CD44: variants seen among roughly 807,000 people sequenced by gnomAD.
The protein encoded by CD44 is CD44 molecule (IN blood group), also known as CD44 antigen.
In CD44, 49 loss-of-function variants were observed where a neutral mutation model predicts 88.8. That is an observed-to-expected ratio of 0.55 (90% CI 0.44 to 0.70). CD44 has a LOEUF of 0.70. CD44 is among the 30% of genes least tolerant of loss of function. CD44 has a pLI of 0.00. For missense variants in CD44, 883 were observed against 913.8 expected (o/e 0.97, Z 0.43); for synonymous variants, 325 against 312.3 (o/e 1.04, Z -0.43).
rs1247958127 is a variant in CD44, at chr11:35,181,933, T to TA, written c.367+1529dup. ...TATATATTATATATTATATTATATA[T>TA]AAATTATATATAATATATATAAATT... is the stretch of plus-strand genomic sequence containing the variant. On this transcript the variant is annotated intron_variant, in intron 3 of 17. Coordinates refer to ENST00000428726, the MANE Select transcript of CD44 (RefSeq NM_000610.4). 5.4e-4 allele frequency among the ~76,000 whole-genome samples: 37 copies of TA among 69,010 alleles called. 2 individuals are homozygous for TA. Among genetic ancestry groups the TA allele is most frequent in the South Asian group, 1.6e-3 (5 of 3,150 alleles). The allele number at this position is 69,010 out of a possible 152,430, so 45.3% of individuals were successfully genotyped here. A position where few individuals can be genotyped will look rare whatever the true frequency, so the allele number is the denominator to read the frequency against.
intron 1 of CD44, among the ~76,000 whole-genome samples, chr11:35,171,838 T>C (rs1176015910): frequency 6.8e-6 from 1 of 148,090 alleles, no homozygotes; most frequent in Non-Finnish European, 1.5e-5. Flanking sequence ...AAAGATTAAG[T>C]AACAAAAAAA....
intron 1 of CD44, among the ~76,000 whole-genome samples, chr11:35,155,916 A>T (rs946782368): frequency 6.6e-6 from 1 of 152,182 alleles, no homozygotes; most frequent in Admixed American, 6.5e-5. Flanking sequence ...TCATATTAAC[A>T]TCGTGGTTGG....
chr11:35,229,083 G>C lies in CD44; in HGVS notation c.2025-46G>C, dbSNP rs778256499. ...CAGTAAGGATGATGATCTGATGCCT[G>C]AGTCACTGCAATCTTTCTGATATGG... On this transcript the variant is annotated intron_variant, in intron 17 of 17. Transcript: ENST00000428726. 11 of 1,459,468 alleles carry C rather than the reference G, an allele frequency of 7.5e-6. No homozygotes were observed. In the Admixed American group the frequency reaches 1.6e-4, roughly 21 times the overall value. The allele number at this position is 1,459,468 out of a possible 1,614,324, so 90.4% of individuals were successfully genotyped here. A position where few individuals can be genotyped will look rare whatever the true frequency, so the allele number is the denominator to read the frequency against.
At chr11:35,182,375 A>G (rs1945234208) in intron 3 of CD44, among the ~76,000 whole-genome samples, 1 of 152,124 alleles carries the variant, frequency 6.6e-6, no homozygotes, top group Non-Finnish European at 1.5e-5. Flanking sequence ...GCGTGAAGCC[A>G]GTAGATTTTG....
At chr11:35,207,374 G>T (rs1352233656) in intron 11 of CD44, among the ~76,000 whole-genome samples, 2 of 152,208 alleles carry the variant, frequency 1.3e-5, no homozygotes, top group Admixed American at 1.3e-4. Flanking sequence ...TATCGATGGG[G>T]TTTATGAATT....
intron 17 of CD44, 69 bp downstream of exon 17, chr11:35,221,801 C>T: frequency 7.4e-7 from 1 of 1,358,628 alleles, no homozygotes; most frequent in South Asian, 1.2e-5. Flanking sequence ...TATATCCTTG[C>T]TGCTCAGAGC....
Position 35,211,407 on chromosome 11 carries a change from A to T in CD44, c.1768A>T (p.Thr590Ser), listed in dbSNP as rs373762543. The change falls in exon 14 of 18, where the codon ACT (threonine) becomes TCT (serine). Residue 590 changes from threonine (T) to serine (S), a missense_variant. Thr to Ser is a moderately conservative substitution (Grantham distance 58, BLOSUM62 1). Coordinates refer to ENST00000428726, the MANE Select transcript of CD44 (RefSeq NM_000610.4). ...KTGSFGVTAV[T>S]VGDSNSNVNR... ...TGGGTCCTTTGGAGTTACTGCAGTT[A>T]CTGTTGGAGATTCCAACTCTAATGT... is the stretch of plus-strand genomic sequence containing the variant. The T allele has an allele frequency of 2.2e-5, 35 of 1,613,848 alleles. No homozygotes were observed. In the East Asian group the frequency reaches 4.5e-4, roughly 21 times the overall value.
At chr11:35,216,550 G>A (rs759585216) in intron 15 of CD44, among the ~76,000 whole-genome samples, 4 of 152,216 alleles carry the variant, frequency 2.6e-5, no homozygotes, top group Non-Finnish European at 5.9e-5. Context: ...AATAGAGACA[G>A]AAGTCACAGG....
At position 35,141,750 on chromosome 11, in the gene CD44, T is replaced by C. The variant is rs1168722213; in HGVS notation, c.67+2380T>C. Among the ~76,000 whole-genome samples, 7 of 152,316 alleles carry C rather than the reference T, an allele frequency of 4.6e-5. No individual in the cohort carries two copies. The East Asian group carries it at 1.3e-3, about 29-fold the overall frequency. ...ACAATGAAGTGCCAGTAGCAATAAC[T>C]GCCCCGGCCCTCGCTTTCATGTGCT... On this transcript the variant is annotated intron_variant, in intron 1 of 17. Transcript: ENST00000428726.
intron 15 of CD44, among the ~76,000 whole-genome samples, chr11:35,217,488 G>T (rs1948935379): frequency 6.6e-6 from 1 of 152,212 alleles, no homozygotes; most frequent in Admixed American, 6.5e-5. Context: ...AAGGACACTG[G>T]AAGGCATGTA....
chr11:35,145,251 C>T (rs1425803), intron 1 of CD44, among the ~76,000 whole-genome samples: 48,066 of 152,094 alleles, frequency 0.32, 7,787 homozygotes, highest in South Asian at 0.38. Flanking sequence ...GGCCCAGATC[C>T]CAGTAATATT....
intron 5 of CD44, among the ~76,000 whole-genome samples, chr11:35,195,859 C>A (rs146817019): frequency 1.6e-3 from 247 of 152,152 alleles, no homozygotes; most frequent in African/African-American, 5.5e-3. Context: ...TTCTGCTTTG[C>A]AAAATATAGT....
At chr11:35,168,028 T>G (rs1943492188) in intron 1 of CD44, among the ~76,000 whole-genome samples, 2 of 152,296 alleles carry the variant, frequency 1.3e-5, no homozygotes, top group South Asian at 4.1e-4. Context: ...CTTCAGAATC[T>G]CCTCTCTGGA....
chr11:35,153,905 C>T (rs1371078048), intron 1 of CD44, among the ~76,000 whole-genome samples: 2 of 152,176 alleles, frequency 1.3e-5, no homozygotes, highest in African/African-American at 4.8e-5. Flanking sequence ...ACTGTCTCAC[C>T]ATTGGGTCTT....
At chr11:35,188,387 C>A (rs763814457) in intron 4 of CD44, among the ~76,000 whole-genome samples, 51 of 152,126 alleles carry the variant, frequency 3.4e-4, no homozygotes, top group Non-Finnish European at 6.8e-4. Context: ...AGTGACTGAT[C>A]CTCAGTTTTC....
intron 1 of CD44, among the ~76,000 whole-genome samples, chr11:35,157,322 T>TCTATCTAC (rs1237187047): frequency 0.017 from 260 of 15,422 alleles, 1 homozygote; most frequent in African/African-American, 0.037. Context: ...TGTCTGTCTG[T>TCTATCTAC]CTATCTATCT....
At chr11:35,148,317 C>A (rs896090402) in intron 1 of CD44, among the ~76,000 whole-genome samples, 2 of 152,190 alleles carry the variant, frequency 1.3e-5, no homozygotes, top group Non-Finnish European at 2.9e-5. Flanking sequence ...TGCAGGAAAC[C>A]AGCTGACGTC....
chr11:35,202,416 C>T (rs573674192), intron 9 of CD44, among the ~76,000 whole-genome samples: 10 of 152,242 alleles, frequency 6.6e-5, no homozygotes, highest in South Asian at 2.1e-4. Flanking sequence ...TCTCAAGTTG[C>T]GGCAGTGGAC....
rs924665537 is a variant in CD44 at position 35,201,735 on chromosome 11, C to T, written c.1101C>T (p.Leu367=). 2.5e-6 allele frequency: 4 copies of T among 1,613,794 alleles called. No homozygotes were observed. The Admixed American group carries it at 6.7e-5, about 27-fold the overall frequency. ...GGAACCCAGAAGCACACCCTCCCCT[C>T]ATTCACCATGAGCATCATGAGGAAG... ...GNWNPEAHPP[L]IHHEHHEEEE... is the part of the protein sequence containing the mutation. Residue 367 remains leucine (L), a synonymous_variant, in exon 9 of 18, where the codon CTC becomes CTT. Transcript: ENST00000428726.
Sources: allele counts gnomAD v4.1 joint callset (sites outside exome capture counted in the v4.1 genomes callset), GRCh38; gene constraint gnomAD v4.1.1; transcripts MANE v1.5; gene names NCBI Gene and HGNC (gene_info 2026-07-23, HGNC 2026-07-21).